The following CD44 variants were observed in gnomAD, a reference collection of about 807,000 sequenced individuals.
CD44 encodes CD44 molecule (IN blood group).
CD44 carries 49 observed loss-of-function variants against 88.8 expected under a neutral mutation model. That is an observed-to-expected ratio of 0.55 (90% confidence interval 0.44 to 0.70). The LOEUF is 0.70. Ranked by LOEUF, CD44 falls within the 30% of genes least tolerant of loss-of-function variation. The probability of loss-of-function intolerance (pLI) is 0.00; values close to 1 mark genes in which losing one functional copy is unlikely to be tolerated. For synonymous variants in CD44, 325 were observed against 312.3 expected (o/e 1.04, Z -0.43); for missense variants, 883 against 913.8 (o/e 0.97, Z 0.43).
At chr11:35,147,605 C>A (rs1859419994) in intron 1 of CD44, among the ~76,000 whole-genome samples, 1 of 148,226 alleles carries the variant, frequency 6.7e-6, no homozygotes, top group African/African-American at 2.6e-5. Flanking sequence ...ATTCCAGCCC[C>A]CTTCCCCCAA....
At chr11:35,187,707 A>G (rs1945825141) in intron 4 of CD44, among the ~76,000 whole-genome samples, 1 of 152,192 alleles carries the variant, frequency 6.6e-6, no homozygotes, top group South Asian at 2.1e-4. Context: ...TGTCAGGTGT[A>G]GGGGCATTTT....
chr11:35,165,449 C>A (rs1943148122), intron 1 of CD44, among the ~76,000 whole-genome samples: 1 of 152,132 alleles, frequency 6.6e-6, no homozygotes, highest in Non-Finnish European at 1.5e-5. Context: ...TAGTACCTAC[C>A]CTCTGGGCCT....
chr11:35,182,194 C>T (rs1945210127), intron 3 of CD44, among the ~76,000 whole-genome samples: 1 of 150,582 alleles, frequency 6.6e-6, no homozygotes, highest in African/African-American at 2.4e-5. Flanking sequence ...CTTTCTTCTA[C>T]TCACTACTAA....
intron 1 of CD44, among the ~76,000 whole-genome samples, chr11:35,148,383 G>A (rs1230928273): frequency 6.6e-6 from 1 of 152,206 alleles, no homozygotes; most frequent in Non-Finnish European, 1.5e-5. Flanking sequence ...AGAGGGGGAG[G>A]GGAATTCAGG....
chr11:35,196,390 A>G (rs902722068), intron 5 of CD44, among the ~76,000 whole-genome samples: 8 of 152,176 alleles, frequency 5.3e-5, no homozygotes, highest in African/African-American at 1.9e-4. Flanking sequence ...TTTACATTAT[A>G]TAGACTTTCA....
intron 16 of CD44, among the ~76,000 whole-genome samples, chr11:35,220,215 T>C (rs191096013): frequency 6.6e-6 from 1 of 152,146 alleles, no homozygotes; most frequent in African/African-American, 2.4e-5. Context: ...GGGTGGGCTG[T>C]CCCAAGGGAG....
chr11:35,181,870 T>C (rs1396606087), intron 3 of CD44, among the ~76,000 whole-genome samples: 1 of 83,006 alleles, frequency 1.2e-5, no homozygotes, highest in Non-Finnish European at 2.1e-5. Flanking sequence ...TTTATATATA[T>C]ATATTATATA....
At chr11:35,150,411 G>A (rs888771319) in intron 1 of CD44, among the ~76,000 whole-genome samples, 41 of 152,214 alleles carry the variant, frequency 2.7e-4, no homozygotes, top group African/African-American at 9.9e-4. Context: ...CAGACCCCCA[G>A]TAAAAATTTC....
chr11:35,208,135 A>G lies in CD44; in HGVS notation c.1445A>G (p.Gln482Arg). 6.2e-7 allele frequency: 1 copy of G among 1,611,686 alleles called. No individual in the cohort carries two copies. The highest frequency in any genetic ancestry group is 8.5e-7 in the Non-Finnish European group (1 of 1,177,806). The change falls in exon 12 of 18, where the codon CAG becomes CGG. Residue 482 changes from glutamine (Q) to arginine (R), a missense_variant. This residue lies in a region of CD44 where 631 missense variants were observed against 590.9 expected (regional missense o/e 1.07). Coordinates refer to ENST00000428726, the MANE Select transcript of CD44 (RefSeq NM_000610.4). The stretch of plus-strand genomic sequence containing the variant: ...GACTCCAGTCATAGTATAACGCTTC[A>G]GCCTACTGCAAATCCAAACACAGGT... ...DMDSSHSITL[Q>R]PTANPNTGLV...
chr11:35,215,280 A>G (rs981006703), intron 15 of CD44, among the ~76,000 whole-genome samples: 14 of 152,252 alleles, frequency 9.2e-5, no homozygotes, highest in African/African-American at 2.9e-4. Context: ...AGAGTGATTA[A>G]GAGCTTGAGC....
At chr11:35,198,848 G>C (rs528242278) in intron 7 of CD44, among the ~76,000 whole-genome samples, 1 of 151,778 alleles carries the variant, frequency 6.6e-6, no homozygotes, top group African/African-American at 2.4e-5. Flanking sequence ...GCGTAGTGGC[G>C]GGTGCCTGTA....
At chr11:35,173,943 T>C (rs562723564) in intron 1 of CD44, among the ~76,000 whole-genome samples, 2 of 152,352 alleles carry the variant, frequency 1.3e-5, no homozygotes, top group East Asian at 3.9e-4. Context: ...GATTTCCTGC[T>C]CTGCCACTTA....
rs12293021 is a variant in CD44 at position 35,139,292 on chromosome 11, G to A, written c.-12G>A. 1.3e-3 allele frequency: 1,946 copies of A among 1,556,570 alleles called. 23 individuals are homozygous for A. In the African/African-American group the frequency reaches 0.023, roughly 19 times the overall value. Reference sequence around the variant, plus strand: ...CTCCTTTCGCCCGCGCCCTCCGTTCGCTCCGGACACCATGGACAAGTTTTG... The same window carrying A: ...CTCCTTTCGCCCGCGCCCTCCGTTCACTCCGGACACCATGGACAAGTTTTG... On this transcript the variant is annotated 5_prime_UTR_variant, in exon 1 of 18. Coordinates refer to ENST00000428726, the MANE Select transcript of CD44 (RefSeq NM_000610.4).
chr11:35,163,883 G>A (rs1015038650), intron 1 of CD44, among the ~76,000 whole-genome samples: 5 of 152,108 alleles, frequency 3.3e-5, no homozygotes, highest in African/African-American at 1.2e-4. Context: ...GAAGAGATTT[G>A]TCTGCCTCAC....
At chr11:35,182,957 C>T (rs778076007) in intron 3 of CD44, among the ~76,000 whole-genome samples, 2 of 152,114 alleles carry the variant, frequency 1.3e-5, no homozygotes, top group East Asian at 1.9e-4. Context: ...AGGCAGGCTG[C>T]GACTGAGACT....
chr11:35,198,318 A>T, intron 7 of CD44, 72 bp downstream of exon 7: 4 of 1,447,096 alleles, frequency 2.8e-6, no homozygotes, highest in Non-Finnish European at 2.9e-6. Flanking sequence ...ACCAAATTGT[A>T]TCTCTCTTGA....
In CD44 at chr11:35,229,111, CA is replaced by C. The variant is rs1256056574; in HGVS notation, c.2025-17del. The C allele has an allele frequency of 1.3e-6, 2 of 1,599,494 alleles. No individual in the cohort carries two copies. The highest frequency in any genetic ancestry group is 2.2e-5 in the South Asian group (2 of 90,332). Reference sequence around the variant, plus strand: ...TCACTGCAATCTTTCTGATATGGTACATTTTTTAAATTATTAGGTGTGGGCA... The same window carrying C: ...TCACTGCAATCTTTCTGATATGGTACTTTTTTAAATTATTAGGTGTGGGCA... On this transcript the variant is annotated splice_polypyrimidine_tract_variant and intron_variant, in intron 17 of 17. Transcript: ENST00000428726.
chr11:35,180,144 T>C, intron 2 of CD44, 130 bp from the exon 3 acceptor site: 2 of 831,294 alleles, frequency 2.4e-6, no homozygotes, highest in Non-Finnish European at 3.8e-6. Context: ...AACTCGGTTG[T>C]TGAAACCTCC....
Position 35,196,833 on chromosome 11 carries a change from C to T in CD44, c.755C>T (p.Ser252Leu). ...WDWFSWLFLP[S>L]ESKNHLHTTT... ...TGGTTTTCATGGTTGTTTCTACCAT[C>T]AGAGTCAAAGAATCATCTTCACACA... The change falls in exon 6 of 18, where the codon TCA becomes TTA. Residue 252 changes from serine (S) to leucine (L), a missense_variant. Around this residue, in one of 2 missense-constraint regions of CD44, gnomAD observed 631 missense variants for 590.9 expected, o/e 1.07. Coordinates refer to ENST00000428726, the MANE Select transcript of CD44 (RefSeq NM_000610.4). 1.2e-6 allele frequency: 2 copies of T among 1,613,652 alleles called. No homozygotes were observed. Among genetic ancestry groups the T allele is most frequent in the South Asian group, 2.2e-5 (2 of 91,046 alleles).
Sources: gnomAD v4.1 joint callset for allele counts (sites outside exome capture counted in the v4.1 genomes callset) on GRCh38, gnomAD v4.1.1 for gene constraint, gnomAD v4.1.1 regional missense constraint, MANE v1.5 for transcripts, NCBI Gene and HGNC (gene_info 2026-07-23, HGNC 2026-07-21) for gene names.